The following RPGRIP1L variants were observed in gnomAD, a reference collection of about 807,000 sequenced individuals.
The protein encoded by RPGRIP1L is protein fantom.
Under a neutral mutation model 160.4 loss-of-function variants are expected in RPGRIP1L, and 131 were observed. The observed-to-expected ratio is 0.82, with a 90% CI of 0.71 to 0.94. RPGRIP1L has a LOEUF of 0.94. RPGRIP1L is among the 40% of genes least tolerant of loss of function. The pLI is 0.00. For missense variants in RPGRIP1L, 1,522 were observed against 1,535.8 expected (o/e 0.99, Z 0.15); for synonymous variants, 510 against 515.8 (o/e 0.99, Z 0.15).
intron 6 of RPGRIP1L, among the ~76,000 whole-genome samples, chr16:53,685,209 A>C (rs1250300010): frequency 6.6e-6 from 1 of 152,122 alleles, no homozygotes; most frequent in Non-Finnish European, 1.5e-5. Flanking sequence ...AAAACAACAG[A>C]TGTTGGTAAG....
At chr16:53,699,646 C>G (rs996742543) in intron 2 of RPGRIP1L, among the ~76,000 whole-genome samples, 7 of 152,202 alleles carry the variant, frequency 4.6e-5, no homozygotes, top group African/African-American at 1.7e-4. Context: ...TTACTTCTAA[C>G]AATAAAATCT....
In RPGRIP1L at chr16:53,645,814, TG is replaced by T. The variant is rs746792129; in HGVS notation, c.2493del (p.Ser832ValfsTer17). 1 of 1,614,178 alleles carries T rather than the reference TG, an allele frequency of 6.2e-7. No individual in the cohort carries two copies. The highest frequency in any genetic ancestry group is 1.1e-5 in the South Asian group (1 of 91,086). ...DFADHDTAII[P>X]SSNDPQFDDH... ...TCATCAAACTGTGGATCATTGCTAC[TG>T]GGAATGATAGCTGTATCATGGTCTG... On this transcript the variant is annotated frameshift_variant, in exon 17 of 27. Transcript: ENST00000647211. LOFTEE classifies it high-confidence loss of function.
chr16:53,666,028 T>C (rs942082561), intron 9 of RPGRIP1L, among the ~76,000 whole-genome samples: 3 of 152,190 alleles, frequency 2.0e-5, no homozygotes, highest in African/African-American at 7.2e-5. Context: ...CCATTCTATG[T>C]ATTTTAAGCC....
intron 22 of RPGRIP1L, among the ~76,000 whole-genome samples, chr16:53,633,102 G>C (rs1001473183): frequency 3.3e-5 from 5 of 152,208 alleles, no homozygotes; most frequent in African/African-American, 4.8e-5. Context: ...CAGGCATTCA[G>C]TAATACATTC....
intron 4 of RPGRIP1L, among the ~76,000 whole-genome samples, chr16:53,690,206 AT>A (rs1190858637): frequency 1.3e-5 from 2 of 152,056 alleles, no homozygotes; most frequent in Non-Finnish European, 2.9e-5. Context: ...AGACTTATTT[AT>A]TTATTTTTGA....
chr16:53,613,344 C>G (rs530052519), intron 24 of RPGRIP1L, among the ~76,000 whole-genome samples: 7 of 151,376 alleles, frequency 4.6e-5, no homozygotes, highest in Non-Finnish European at 1.0e-4. Flanking sequence ...GGGCCTTGCT[C>G]TGTTACCCAG....
chr16:53,650,389 G>C (rs1034954839), intron 15 of RPGRIP1L, among the ~76,000 whole-genome samples: 1 of 152,072 alleles, frequency 6.6e-6, no homozygotes, highest in African/African-American at 2.4e-5. Context: ...AGTCCTAAAA[G>C]AATAATATTA....
In RPGRIP1L at chr16:53,696,265, C is replaced by A. The variant is rs886042345; in HGVS notation, c.116G>T (p.Arg39Leu). The change falls in exon 3 of 27, where the codon CGC (arginine) becomes CTC (leucine). Residue 39 changes from arginine (R) to leucine (L), a missense_variant. Arg to Leu is a moderately radical substitution (Grantham distance 102, BLOSUM62 -2). Transcript: ENST00000647211. ...ACGACTGACACGTGACACTGCCTGG[C>A]GAGACTTCATTGTCCGTGTTGTTGA... is the stretch of plus-strand genomic sequence containing the variant. Reference protein sequence around the residue: ...ETSTTRTMKSRQAVSRVSREE... With the variant: ...ETSTTRTMKSLQAVSRVSREE... The A allele has an allele frequency of 1.1e-5, 17 of 1,613,972 alleles. No homozygotes were observed. Among genetic ancestry groups the A allele is most frequent in the Non-Finnish European group, 1.4e-5 (16 of 1,179,966 alleles).
chr16:53,607,041 T>C (rs1435012891), intron 25 of RPGRIP1L, among the ~76,000 whole-genome samples: 2 of 152,200 alleles, frequency 1.3e-5, no homozygotes, highest in Admixed American at 6.5e-5. Context: ...TTTTATAACA[T>C]GTATAAGATG....
intron 2 of RPGRIP1L, among the ~76,000 whole-genome samples, chr16:53,697,650 T>A (rs561589660): frequency 1.3e-5 from 2 of 152,302 alleles, no homozygotes; most frequent in East Asian, 1.9e-4. Flanking sequence ...AGACGGTGTC[T>A]GGTTCACTCA....
chr16:53,692,567 C>A (rs1280389793), intron 3 of RPGRIP1L, among the ~76,000 whole-genome samples: 1 of 152,130 alleles, frequency 6.6e-6, no homozygotes, highest in African/African-American at 2.4e-5. Flanking sequence ...ATAGCACTGA[C>A]AAATAACAGT....
chr16:53,625,569 G>C (rs1333243403), intron 22 of RPGRIP1L, among the ~76,000 whole-genome samples: 2 of 148,196 alleles, frequency 1.3e-5, no homozygotes, highest in African/African-American at 2.5e-5. Context: ...GGGGTGGGGG[G>C]GCCCCTCTGC....
Position 53,599,246 on chromosome 16 carries a change from C to T in RPGRIP1L, c.*2830G>A, listed in dbSNP as rs932261512. The stretch of plus-strand genomic sequence containing the variant: ...CAGGAACAGCAGAATTTCAGTGTGG[C>T]CTTTCTTTATTTGATTAAACATATT... On this transcript the variant is annotated 3_prime_UTR_variant, in exon 27 of 27. Transcript: ENST00000647211. 1.3e-5 allele frequency: 2 copies of T among 152,048 alleles called. No homozygotes were observed. The highest frequency in any genetic ancestry group is 2.9e-5 in the Non-Finnish European group (2 of 68,006). 9.4% of individuals were successfully genotyped at this position (152,048 alleles called of 1,614,324 possible). A position where few individuals can be genotyped will look rare whatever the true frequency, so the allele number is the denominator to read the frequency against.
At chr16:53,622,594 G>T (rs1253282080) in intron 22 of RPGRIP1L, among the ~76,000 whole-genome samples, 3 of 151,404 alleles carry the variant, frequency 2.0e-5, no homozygotes, top group Non-Finnish European at 2.9e-5. Context: ...ATATCCTAAA[G>T]GTCACCCATT....
intron 4 of RPGRIP1L, among the ~76,000 whole-genome samples, chr16:53,689,782 A>G (rs1023892274): frequency 2.0e-5 from 3 of 152,156 alleles, no homozygotes; most frequent in Non-Finnish European, 2.9e-5. Flanking sequence ...TTTACTCATA[A>G]AGACGGATTA....
At chr16:53,624,437 G>A (rs887053252) in intron 22 of RPGRIP1L, among the ~76,000 whole-genome samples, 1 of 151,898 alleles carries the variant, frequency 6.6e-6, no homozygotes, top group Non-Finnish European at 1.5e-5. Context: ...CCTGGTACTC[G>A]GGAGGCTGAG....
At chr16:53,603,525 T>A (rs1454574894) in intron 26 of RPGRIP1L, among the ~76,000 whole-genome samples, 1 of 152,156 alleles carries the variant, frequency 6.6e-6, no homozygotes, top group African/African-American at 2.4e-5. Context: ...AGATGGGGTT[T>A]CACCATGTTG....
intron 22 of RPGRIP1L, among the ~76,000 whole-genome samples, chr16:53,630,485 T>C (rs1343156778): frequency 1.3e-5 from 2 of 152,096 alleles, no homozygotes; most frequent in Non-Finnish European, 2.9e-5. Flanking sequence ...GCAGATATAT[T>C]TGTATTAGCA....
intron 17 of RPGRIP1L, among the ~76,000 whole-genome samples, chr16:53,644,339 G>C (rs1966417411): frequency 6.6e-6 from 1 of 151,982 alleles, no homozygotes; most frequent in Non-Finnish European, 1.5e-5. Context: ...AGACCTGTGG[G>C]GAAACCATCA....
Sources: gnomAD v4.1 joint callset for allele counts (sites outside exome capture counted in the v4.1 genomes callset) on GRCh38, gnomAD v4.1.1 for gene constraint, MANE v1.5 for transcripts, NCBI Gene and HGNC (gene_info 2026-07-23, HGNC 2026-07-21) for gene names.